The following GDAP1 variants were observed in gnomAD, a reference collection of about 807,000 sequenced individuals.
GDAP1 encodes ganglioside induced differentiation associated protein 1, also known as ganglioside-induced differentiation-associated protein 1.
Under a neutral mutation model 40.1 loss-of-function variants are expected in GDAP1, and 34 were observed. That is an observed-to-expected ratio of 0.85 (90% CI 0.64 to 1.13). GDAP1 has a LOEUF of 1.13. GDAP1 is among the 50% of genes most tolerant of loss of function. The pLI is 0.00. For missense variants in GDAP1, 374 were observed against 433.7 expected, an observed-to-expected ratio of 0.86 and a Z score of 1.22; for synonymous variants, 170 against 157.4, an observed-to-expected ratio of 1.08 and a Z score of -0.60.
intron 2 of GDAP1, among the ~76,000 whole-genome samples, chr8:74,412,377 G>C (rs1805725879): frequency 6.7e-6 from 1 of 150,134 alleles, no homozygotes; most frequent in African/African-American, 2.5e-5. Context: ...GAGGATGAGA[G>C]ATAGACAATA....
chr8:74,372,957 A>C lies in GDAP1; in HGVS notation c.165+21636A>C, dbSNP rs2131532147. Among the ~76,000 whole-genome samples the C allele has an allele frequency of 2.0e-5, 3 of 152,324 alleles. No individual in the cohort carries two copies. The East Asian group carries it at 5.8e-4, about 29-fold the overall frequency. ...TTAATTTTTGTATAAGATGTAAGGAAGGGATCCAGTTTCAGCTTTCTACAT... is the reference window on the plus strand; with the variant it reads ...TTAATTTTTGTATAAGATGTAAGGACGGGATCCAGTTTCAGCTTTCTACAT... On this transcript the variant is annotated intron_variant, in intron 2 of 2. Transcript: ENST00000523640.
At chr8:74,436,682 A>G (rs1179295717) in intron 2 of GDAP1, among the ~76,000 whole-genome samples, 1 of 151,594 alleles carries the variant, frequency 6.6e-6, no homozygotes, top group Non-Finnish European at 1.5e-5. Flanking sequence ...TCAGCCTCCC[A>G]AAGTGCTGGG....
At chr8:74,477,314 G>A (rs951874358) in intron 2 of GDAP1, among the ~76,000 whole-genome samples, 4 of 152,138 alleles carry the variant, frequency 2.6e-5, no homozygotes, top group Non-Finnish European at 4.4e-5. Flanking sequence ...TCTCAGCCTG[G>A]TTAAGTACCT....
intron 2 of GDAP1, chr8:74,376,577 CT>C (rs755322670): frequency 1.3e-5 from 2 of 152,218 alleles, no homozygotes; most frequent in Non-Finnish European, 2.9e-5. Context: ...TCTCGATCTC[CT>C]GACCTTGTGA....
downstream of GDAP1, chr8:74,366,982 C>G (rs1431306648): frequency 6.4e-6 from 2 of 312,724 alleles, no homozygotes; most frequent in African/African-American, 4.4e-5. Flanking sequence ...GTTAGGTATT[C>G]AAGATACTTA....
At chr8:74,397,987 A>G (rs1810239348) in intron 2 of GDAP1, among the ~76,000 whole-genome samples, 1 of 151,862 alleles carries the variant, frequency 6.6e-6, no homozygotes, top group Admixed American at 6.6e-5. Context: ...CCTACCCATG[A>G]GCATGGAATG....
Position 74,366,115 on chromosome 8 carries a change from C to T in GDAP1, c.*1748C>T, listed in dbSNP as rs1809622133. On this transcript the variant is annotated 3_prime_UTR_variant, in exon 6 of 6. Transcript: ENST00000220822. ...AATTAGAAGTCCATGGTTAACTTTT[C>T]CTTCAATTTATATTATTCCTGAATC... is the stretch of plus-strand genomic sequence containing the variant. 2.3e-6 allele frequency: 1 copy of T among 443,550 alleles called. No individual in the cohort carries two copies. Among genetic ancestry groups the T allele is most frequent in the Non-Finnish European group, 4.5e-6 (1 of 223,836 alleles). 27.5% of individuals were successfully genotyped at this position (443,550 alleles called of 1,614,324 possible).
intron 2 of GDAP1, among the ~76,000 whole-genome samples, chr8:74,454,880 G>A (rs1243160001): frequency 6.6e-6 from 1 of 150,922 alleles, no homozygotes; most frequent in East Asian, 1.9e-4. Flanking sequence ...AGAGAAAAAT[G>A]TTTTGAAAAC....
Position 74,364,019 on chromosome 8 carries a change from C to A in GDAP1, c.729C>A (p.Ser243=). The change falls in exon 6 of 6, where the codon TCC becomes TCA. Residue 243 remains serine (S), a synonymous_variant. Transcript: ENST00000220822. The part of the protein sequence containing the change: ...EGQQPWLCGE[S]FTLADVSLAV... ...AGCAACCTTGGCTCTGCGGTGAATCCTTCACCCTGGCAGACGTCTCACTCG... is the reference window on the plus strand; with the variant it reads ...AGCAACCTTGGCTCTGCGGTGAATCATTCACCCTGGCAGACGTCTCACTCG... 3.7e-6 allele frequency: 6 copies of A among 1,613,722 alleles called. No individual in the cohort carries two copies. Among genetic ancestry groups the A allele is most frequent in the Non-Finnish European group, 5.1e-6 (6 of 1,179,640 alleles).
chr8:74,350,738 G>T (rs1214654156), intron 1 of GDAP1, among the ~76,000 whole-genome samples, 160 bp downstream of exon 1: 1 of 152,230 alleles, frequency 6.6e-6, no homozygotes, highest in Non-Finnish European at 1.5e-5. Flanking sequence ...GCGCCCGGGT[G>T]GGGAGCGGGG....
intron 2 of GDAP1, among the ~76,000 whole-genome samples, chr8:74,466,500 T>C (rs190124660): frequency 4.5e-4 from 69 of 152,254 alleles, no homozygotes; most frequent in African/African-American, 1.5e-3. Context: ...GGAGTGGTAA[T>C]AGTTGGGCAA....
chr8:74,467,669 A>T (rs1159866182), intron 2 of GDAP1, among the ~76,000 whole-genome samples: 2 of 152,136 alleles, frequency 1.3e-5, no homozygotes, highest in Non-Finnish European at 2.9e-5. Flanking sequence ...TAATTATTGG[A>T]AATTACAAGG....
At chr8:74,415,651 G>A (rs965487976) in intron 2 of GDAP1, among the ~76,000 whole-genome samples, 3 of 149,966 alleles carry the variant, frequency 2.0e-5, no homozygotes, top group Non-Finnish European at 4.4e-5. Context: ...CAGAGCTGGG[G>A]CTGATTTAGT....
intron 2 of GDAP1, among the ~76,000 whole-genome samples, chr8:74,389,675 G>C (rs113012259): frequency 0.027 from 4,147 of 152,258 alleles, 85 homozygotes; most frequent in Non-Finnish European, 0.045. Flanking sequence ...TTCTCAAGGA[G>C]TATCTTTGTG....
intron 2 of GDAP1, among the ~76,000 whole-genome samples, chr8:74,446,027 A>C (rs1308087300): frequency 1.3e-5 from 2 of 152,166 alleles, no homozygotes; most frequent in East Asian, 3.9e-4. Context: ...ATAAAACTTC[A>C]CATTTCAAAT....
chr8:74,374,057 G>A (rs1039204641), intron 2 of GDAP1, among the ~76,000 whole-genome samples: 1 of 152,170 alleles, frequency 6.6e-6, no homozygotes, highest in African/African-American at 2.4e-5. Flanking sequence ...ACTGGATTAT[G>A]TTTATTGATT....
chr8:74,463,217 C>T (rs1429024391), intron 2 of GDAP1, among the ~76,000 whole-genome samples: 1 of 142,496 alleles, frequency 7.0e-6, no homozygotes, highest in Admixed American at 7.2e-5. Context: ...TTTGGGAGGC[C>T]ATGGTAGAAG....
At chr8:74,355,702 C>A (rs1220146467) in intron 2 of GDAP1, among the ~76,000 whole-genome samples, 1 of 152,098 alleles carries the variant, frequency 6.6e-6, no homozygotes, top group Admixed American at 6.5e-5. Flanking sequence ...TATGGAATAA[C>A]TATAAAATAC....
chr8:74,398,879 T>C (rs1251359208), intron 2 of GDAP1, among the ~76,000 whole-genome samples: 2 of 152,124 alleles, frequency 1.3e-5, no homozygotes, highest in Non-Finnish European at 2.9e-5. Flanking sequence ...TGAACCAGCC[T>C]TGCATCGCAG....
Sources: gnomAD v4.1 joint callset for allele counts (sites outside exome capture counted in the v4.1 genomes callset) on GRCh38, gnomAD v4.1.1 for gene constraint, MANE v1.5 for transcripts, NCBI Gene and HGNC (gene_info 2026-07-23, HGNC 2026-07-21) for gene names.